RNF43: variants seen among roughly 807,000 people sequenced by gnomAD.
RNF43 encodes the protein E3 ubiquitin-protein ligase RNF43.
A neutral mutation model predicts 78.4 loss-of-function variants in RNF43; 37 were observed. The observed-to-expected ratio is 0.47, with a 90% confidence interval of 0.36 to 0.62. The LOEUF (loss-of-function observed/expected upper bound fraction) is 0.62. Ranked by LOEUF, RNF43 falls within the 20% of genes least tolerant of loss-of-function variation. RNF43 has a pLI of 0.00. For synonymous variants in RNF43, 347 were observed against 395.0 expected, an observed-to-expected ratio of 0.88 and a Z score of 1.44; for missense variants, 774 against 1,007.9, an observed-to-expected ratio of 0.77 and a Z score of 3.14.
intron 8 of RNF43, among the ~76,000 whole-genome samples, chr17:58,359,472 C>T (rs952816805): frequency 9.2e-5 from 14 of 151,480 alleles, no homozygotes; most frequent in African/African-American, 2.4e-4. Flanking sequence ...GGCATGGTGG[C>T]GGGCGCCTAT....
At chr17:58,380,453 C>A (rs1037547522) in intron 2 of RNF43, among the ~76,000 whole-genome samples, 3 of 152,252 alleles carry the variant, frequency 2.0e-5, no homozygotes, top group African/African-American at 7.2e-5. Context: ...CAATGTGCTA[C>A]TTGCAAACAG....
chr17:58,388,554 C>G (rs1973482718), intron 2 of RNF43, among the ~76,000 whole-genome samples: 1 of 152,202 alleles, frequency 6.6e-6, no homozygotes, highest in Non-Finnish European at 1.5e-5. Context: ...TGATGAGCAC[C>G]TATCTTCTTC....
chr17:58,362,508 C>T, intron 6 of RNF43, 36 bp downstream of exon 6: 1 of 1,524,090 alleles, frequency 6.6e-7, no homozygotes, highest in Non-Finnish European at 9.0e-7. Context: ...CACACACGCA[C>T]ACGTTCACCG....
chr17:58,377,862 G>C (rs950576929), intron 2 of RNF43, among the ~76,000 whole-genome samples: 1 of 151,932 alleles, frequency 6.6e-6, no homozygotes, highest in Non-Finnish European at 1.5e-5. Flanking sequence ...CCTCTTTTCA[G>C]ATTTTACAAT....
intron 2 of RNF43, among the ~76,000 whole-genome samples, chr17:58,380,167 T>C (rs1973283396): frequency 6.6e-6 from 1 of 152,158 alleles, no homozygotes; most frequent in Non-Finnish European, 1.5e-5. Flanking sequence ...GTCAGCTGAG[T>C]TCTGACCACT....
rs749928841 is a variant in RNF43 at position 58,371,039 on chromosome 17, G to T, written c.253-6C>A. 1 of 1,570,634 alleles carries T rather than the reference G, an allele frequency of 6.4e-7. No homozygotes were observed. The highest frequency in any genetic ancestry group is 1.8e-5 in the Admixed American group (1 of 56,664). ...CACAGGTACAGCGGGTGGGACTGCA[G>T]AGAGAGACAGACTTGGGTTAGGGAG... On this transcript the variant is annotated splice_polypyrimidine_tract_variant and splice_region_variant and intron_variant, in intron 2 of 9. Transcript: ENST00000407977.
intron 2 of RNF43, among the ~76,000 whole-genome samples, chr17:58,384,782 T>C (rs958142735): frequency 2.0e-5 from 3 of 152,150 alleles, no homozygotes; most frequent in Admixed American, 6.5e-5. Context: ...TCCAATGACA[T>C]AGAGAAATAC....
chr17:58,359,607 AAATAATAATAAT>A (rs376555627), intron 8 of RNF43, among the ~76,000 whole-genome samples: 2 of 148,920 alleles, frequency 1.3e-5, no homozygotes, highest in Non-Finnish European at 3.0e-5. Flanking sequence ...CCAACTCAAA[AAATAATAATAAT>A]AATAATAATA....
At chr17:58,372,403 T>A (rs1277675882) in intron 2 of RNF43, among the ~76,000 whole-genome samples, 1 of 152,058 alleles carries the variant, frequency 6.6e-6, no homozygotes, top group Non-Finnish European at 1.5e-5. Context: ...CAAGGTTTAG[T>A]GTGGGAGAAA....
chr17:58,379,628 G>A (rs1350426149), intron 2 of RNF43, among the ~76,000 whole-genome samples: 1 of 152,138 alleles, frequency 6.6e-6, no homozygotes, highest in Admixed American at 6.6e-5. Flanking sequence ...ACATGAAAAC[G>A]GCCCCCATGG....
intron 2 of RNF43, among the ~76,000 whole-genome samples, chr17:58,413,932 A>G (rs1185475883): frequency 1.3e-5 from 2 of 152,208 alleles, no homozygotes; most frequent in African/African-American, 2.4e-5. Context: ...CACACAATTC[A>G]TGCTTCAGGG....
chr17:58,378,546 AT>A (rs1567884349), intron 2 of RNF43, among the ~76,000 whole-genome samples: 1 of 152,136 alleles, frequency 6.6e-6, no homozygotes, highest in African/African-American at 2.4e-5. Flanking sequence ...CATGCTATCT[AT>A]TTTTTAAAAA....
intron 2 of RNF43, among the ~76,000 whole-genome samples, chr17:58,389,380 A>G (rs1346846295): frequency 6.6e-6 from 1 of 152,222 alleles, no homozygotes; most frequent in African/African-American, 2.4e-5. Flanking sequence ...GGAAAATTTA[A>G]GTCAGTCTTG....
In RNF43 at chr17:58,390,708, T is replaced by G. The variant is rs543491813; in HGVS notation, c.253-19675A>C. Among the ~76,000 whole-genome samples, 53 of 152,348 alleles carry G rather than the reference T, an allele frequency of 3.5e-4. 1 individual carries two copies. The South Asian group carries it at 9.7e-3, about 28-fold the overall frequency. On this transcript the variant is annotated intron_variant, in intron 2 of 9. Transcript: ENST00000407977. ...AAATTCTAGCTCCTCAGCTAAATTC[T>G]AAAAGAGGTTTAATGATCCCGTTTA... is the stretch of plus-strand genomic sequence containing the variant.
In RNF43 at chr17:58,400,602, C is replaced by CAT. The variant is rs565014824; in HGVS notation, c.252+14723_252+14724insAT. Among the ~76,000 whole-genome samples, 190 of 152,264 alleles carry CAT rather than the reference C, an allele frequency of 1.2e-3. 1 individual carries two copies. Among genetic ancestry groups the CAT allele is most frequent in the Middle Eastern group, 0.01 (3 of 294 alleles). ...AAGCCACAAGCTCAAAGAGGTTAAGCAATTTTTCTTTACGTCATAAAGCTA... is the reference window on the plus strand; with the variant it reads ...AAGCCACAAGCTCAAAGAGGTTAAGCATAATTTTTCTTTACGTCATAAAGCTA... On this transcript the variant is annotated intron_variant, in intron 2 of 9. Transcript: ENST00000407977.
intron 2 of RNF43, among the ~76,000 whole-genome samples, chr17:58,405,788 A>G (rs1973901233): frequency 6.6e-6 from 1 of 151,878 alleles, no homozygotes; most frequent in African/African-American, 2.4e-5. Flanking sequence ...ATAAATCAGC[A>G]CTCTAATGCA....
At chr17:58,371,915 T>C (rs1973105471) in intron 2 of RNF43, among the ~76,000 whole-genome samples, 1 of 152,244 alleles carries the variant, frequency 6.6e-6, no homozygotes, top group African/African-American at 2.4e-5. Context: ...TCACAGCGAT[T>C]TGTACACCCA....
intron 3 of RNF43, among the ~76,000 whole-genome samples, chr17:58,368,914 C>G (rs1973015005): frequency 6.6e-6 from 1 of 152,134 alleles, no homozygotes; most frequent in East Asian, 1.9e-4. Context: ...ATAGGAGTCA[C>G]AGGCAAAGGT....
chr17:58,373,378 G>A (rs1024075088), intron 2 of RNF43, among the ~76,000 whole-genome samples: 5 of 152,186 alleles, frequency 3.3e-5, no homozygotes, highest in African/African-American at 1.2e-4. Flanking sequence ...CCTGGTATGA[G>A]CCACCAAACT....
Sources: allele counts gnomAD v4.1 joint callset (sites outside exome capture counted in the v4.1 genomes callset), GRCh38; gene constraint gnomAD v4.1.1; transcripts MANE v1.5; gene names NCBI Gene and HGNC (gene_info 2026-07-23, HGNC 2026-07-21).